MARK3: variants seen among roughly 807,000 people sequenced by gnomAD.
MARK3 encodes the protein microtubule affinity regulating kinase 3.
Under a neutral mutation model 90.1 loss-of-function variants are expected in MARK3, and 46 were observed. The ratio of observed to expected loss-of-function variants is 0.51; its 90% CI spans 0.40 to 0.65. MARK3 has a LOEUF of 0.65. Ranked by LOEUF, MARK3 falls within the 30% of genes least tolerant of loss-of-function variation. MARK3 has a pLI of 0.00. For synonymous variants in MARK3, 321 were observed against 332.6 expected, an observed-to-expected ratio of 0.97 and a Z score of 0.38; for missense variants, 818 against 947.2, an observed-to-expected ratio of 0.86 and a Z score of 1.79.
intron 15 of MARK3, among the ~76,000 whole-genome samples, chr14:103,495,240 G>GCAGGTAGAT (rs1195645202): frequency 6.6e-6 from 1 of 152,178 alleles, no homozygotes; most frequent in Admixed American, 6.5e-5. Flanking sequence ...GGAGGCCAAG[G>GCAGGTAGAT]CAGGTAGATC....
In MARK3 at chr14:103,482,020, C is replaced by A. The variant is rs572819813; in HGVS notation, c.1586+1530C>A. 7.3e-5 allele frequency among the ~76,000 whole-genome samples: 11 copies of A among 151,332 alleles called. No homozygotes were observed. The East Asian group carries it at 2.2e-3, about 30-fold the overall frequency. ...TGACCTTGTGATCCACCCACCTCGG[C>A]CTCCCAAAGTGCTGGGATTACAGGC... On this transcript the variant is annotated intron_variant, in intron 14 of 17. Coordinates refer to ENST00000429436, the MANE Select transcript of MARK3 (RefSeq NM_001128918.3).
At chr14:103,470,648 G>T (rs578081493) in intron 12 of MARK3, among the ~76,000 whole-genome samples, 17 of 151,372 alleles carry the variant, frequency 1.1e-4, no homozygotes, top group African/African-American at 3.1e-4. Flanking sequence ...TAGAGACGGG[G>T]TTTCACCACA....
chr14:103,444,151 A>C (rs1252764312), intron 3 of MARK3, among the ~76,000 whole-genome samples: 1 of 149,106 alleles, frequency 6.7e-6, no homozygotes, highest in African/African-American at 2.5e-5. Flanking sequence ...ACTTGTCAAA[A>C]GGTAAAATTT....
chr14:103,454,150 C>A (rs758716368), intron 5 of MARK3, among the ~76,000 whole-genome samples: 7 of 152,130 alleles, frequency 4.6e-5, no homozygotes, highest in Non-Finnish European at 7.3e-5. Flanking sequence ...CTGAGCTTCA[C>A]GGTGAGCATA....
intron 3 of MARK3, among the ~76,000 whole-genome samples, chr14:103,448,372 C>T (rs993028295): frequency 6.6e-6 from 1 of 152,144 alleles, no homozygotes; most frequent in Admixed American, 6.5e-5. Flanking sequence ...ACATGTAAGG[C>T]ATGACTCATG....
intron 17 of MARK3, among the ~76,000 whole-genome samples, chr14:103,502,645 G>A (rs2075733053): frequency 6.6e-6 from 1 of 152,212 alleles, no homozygotes; most frequent in African/African-American, 2.4e-5. Context: ...AAGCACAGGT[G>A]GCTGGTGAAG....
chr14:103,395,452 G>C (rs183384796), intron 1 of MARK3, among the ~76,000 whole-genome samples: 1 of 151,872 alleles, frequency 6.6e-6, no homozygotes, highest in Non-Finnish European at 1.5e-5. Context: ...AGATTCATCA[G>C]GCATTCAGTC....
intron 2 of MARK3, chr14:103,412,171 A>G: frequency 1.4e-6 from 2 of 1,404,398 alleles, no homozygotes; most frequent in African/African-American, 1.4e-5. Flanking sequence ...TAAGGCCCGG[A>G]CATTCTGCCA....
rs201851374 is a variant in MARK3 at position 103,475,026 on chromosome 14, C to T, written c.1298C>T (p.Pro433Leu). Residue 433 changes from proline (P) to leucine (L), a missense_variant, in exon 13 of 18, where the codon CCG (proline) becomes CTG (leucine). By Grantham distance (98) the Pro-to-Leu change is moderately conservative. This residue lies in a region of MARK3 where 560 missense variants were observed against 613.5 expected (regional missense o/e 0.91). Transcript: ENST00000429436. Reference protein sequence around the residue: ...GPAIPSVVAYPKRSQTSTADS... With the variant: ...GPAIPSVVAYLKRSQTSTADS... Reference sequence around the variant, plus strand: ...GCTATTCCTTCTGTTGTGGCGTATCCGAAAAGGAGTCAGACCAGCACTGCA... The same window carrying T: ...GCTATTCCTTCTGTTGTGGCGTATCTGAAAAGGAGTCAGACCAGCACTGCA... 1.4e-5 allele frequency: 23 copies of T among 1,613,848 alleles called. No homozygotes were observed. Among genetic ancestry groups the T allele is most frequent in the Non-Finnish European group, 1.9e-5 (22 of 1,179,932 alleles).
At chr14:103,473,421 G>T (rs1296465738) in intron 12 of MARK3, among the ~76,000 whole-genome samples, 1 of 152,138 alleles carries the variant, frequency 6.6e-6, no homozygotes, top group African/African-American at 2.4e-5. Flanking sequence ...ATCTTAAAAG[G>T]TTTTGTATTT....
chr14:103,503,517 A>G lies in MARK3; in HGVS notation c.*290A>G. On this transcript the variant is annotated 3_prime_UTR_variant, in exon 18 of 18. Coordinates refer to ENST00000429436, the MANE Select transcript of MARK3 (RefSeq NM_001128918.3). The stretch of plus-strand genomic sequence containing the variant: ...CTGGGTGGGTGTGAGAGTGGACGGT[A>G]TGTGTGTGAAGTGGTGTATATGGAA... 2 of 421,022 alleles carry G rather than the reference A, an allele frequency of 4.8e-6. No homozygotes were observed. Among genetic ancestry groups the G allele is most frequent in the South Asian group, 5.5e-5 (2 of 36,436 alleles). The allele number at this position is 421,022 out of a possible 1,614,324, so 26.1% of individuals were successfully genotyped here.
At chr14:103,388,190 C>T (rs1358506047) in intron 1 of MARK3, among the ~76,000 whole-genome samples, 3 of 152,254 alleles carry the variant, frequency 2.0e-5, no homozygotes, top group Non-Finnish European at 2.9e-5. Flanking sequence ...GTCAGCCTCC[C>T]AAAGTGCTGG....
At chr14:103,501,037 T>A (rs2075636438) in intron 17 of MARK3, among the ~76,000 whole-genome samples, 1 of 152,244 alleles carries the variant, frequency 6.6e-6, no homozygotes, top group Admixed American at 6.5e-5. Flanking sequence ...GCCCTTTTTT[T>A]ATGCCAGTCA....
At chr14:103,404,086 A>C (rs1370636422) in intron 1 of MARK3, among the ~76,000 whole-genome samples, 1 of 152,242 alleles carries the variant, frequency 6.6e-6, no homozygotes, top group African/African-American at 2.4e-5. Flanking sequence ...TGAGAAATTC[A>C]GAGGTAGATG....
intron 3 of MARK3, among the ~76,000 whole-genome samples, chr14:103,441,780 G>A (rs992354777): frequency 2.6e-5 from 4 of 152,126 alleles, no homozygotes; most frequent in African/African-American, 9.7e-5. Context: ...GATCTGCATC[G>A]TGGACAGAGT....
In MARK3 at chr14:103,453,011, T is replaced by C. The variant is rs1227145236; in HGVS notation, c.412+1028T>C. Among the ~76,000 whole-genome samples the C allele has an allele frequency of 2.0e-5, 3 of 152,238 alleles. No individual in the cohort carries two copies. In the East Asian group the frequency reaches 5.8e-4, roughly 29 times the overall value. ...TTAGATGCTTTTCTTTACCAGATTT[T>C]AATGTCGCTGGTGTCTGTCTTCCCC... On this transcript the variant is annotated intron_variant, in intron 5 of 17. Transcript: ENST00000429436.
chr14:103,389,623 G>T (rs1451940169), intron 1 of MARK3, among the ~76,000 whole-genome samples: 1 of 144,040 alleles, frequency 6.9e-6, no homozygotes, highest in African/African-American at 2.6e-5. Context: ...AAATATTAAT[G>T]TCCACCCTTA....
At chr14:103,430,061 G>C (rs1167865646) in intron 3 of MARK3, among the ~76,000 whole-genome samples, 3 of 151,926 alleles carry the variant, frequency 2.0e-5, no homozygotes, top group Non-Finnish European at 4.4e-5. Context: ...TCAGTTTAGT[G>C]CATGGTAGTT....
rs1341185336 is a variant in MARK3 at position 103,503,492 on chromosome 14, C to T, written c.*265C>T. 1 of 483,118 alleles carries T rather than the reference C, an allele frequency of 2.1e-6. No individual in the cohort carries two copies. The highest frequency in any genetic ancestry group is 3.7e-6 in the Non-Finnish European group (1 of 269,050). 29.9% of individuals were successfully genotyped at this position (483,118 alleles called of 1,614,324 possible). On this transcript the variant is annotated 3_prime_UTR_variant, in exon 18 of 18. Coordinates refer to ENST00000429436, the MANE Select transcript of MARK3 (RefSeq NM_001128918.3). ...GGCCCCATCTCCATGTGCCTCCCGT[C>T]TGGGTGGGTGTGAGAGTGGACGGTA...
Sources: allele counts gnomAD v4.1 joint callset (sites outside exome capture counted in the v4.1 genomes callset), GRCh38; gene constraint gnomAD v4.1.1; regional missense constraint gnomAD v4.1.1; transcripts MANE v1.5; gene names NCBI Gene and HGNC (gene_info 2026-07-23, HGNC 2026-07-21).